Variants in KLHL4 observed in about 807,000 individuals in gnomAD.
KLHL4 encodes the protein kelch-like protein 4.
KLHL4 carries 17 observed loss-of-function variants against 45.8 expected under a neutral mutation model. The ratio of observed to expected loss-of-function variants is 0.37; its 90% confidence interval spans 0.25 to 0.56. The LOEUF (loss-of-function observed/expected upper bound fraction) is 0.56. KLHL4 is among the 20% of genes least tolerant of loss of function. KLHL4 has a pLI of 0.79. For synonymous variants in KLHL4, 224 were observed against 189.9 expected (o/e 1.18, Z -1.47); for missense variants, 544 against 544.9 (o/e 1.00, Z 0.02).
Position 87,611,883 on chromosome X carries a change from C to T in KLHL4, c.423-1994C>T, listed in dbSNP as rs747155723. Among the ~76,000 whole-genome samples, 38 of 110,917 alleles carry T rather than the reference C, an allele frequency of 3.4e-4. No homozygotes were observed. In the South Asian group the frequency reaches 8.4e-3, roughly 25 times the overall value. On this transcript the variant is annotated intron_variant, in intron 1 of 10. Transcript: ENST00000373119. ...GGCAGAAGACAGTGATATTGATGAT[C>T]TTGACCTTGTATAGGCCTAGGTTAA...
chrX:87,667,873 A>C lies in KLHL4; in HGVS notation c.*1339A>C, dbSNP rs968857461. 2 of 662,310 alleles carry C rather than the reference A, an allele frequency of 3.0e-6. No individual in the cohort carries two copies. Among genetic ancestry groups the C allele is most frequent in the Admixed American group, 1.8e-4 (2 of 11,288 alleles). The allele number at this position is 662,310 out of a possible 1,213,427, so 54.6% of individuals were successfully genotyped here. On this transcript the variant is annotated 3_prime_UTR_variant, in exon 11 of 11. Transcript: ENST00000373119. Reference sequence around the variant, plus strand: ...TTAAGTTTTAAGAAAGAAGAACGTAAGTTGTACAAAGATATTTGTACTTTG... The same window carrying C: ...TTAAGTTTTAAGAAAGAAGAACGTACGTTGTACAAAGATATTTGTACTTTG...
At chrX:87,554,159 C>T (rs1483703539) in intron 1 of KLHL4, among the ~76,000 whole-genome samples, 1 of 72,074 alleles carries the variant, frequency 1.4e-5, no homozygotes, top group Non-Finnish European at 2.6e-5. Flanking sequence ...TGTGATGCCT[C>T]CAGCTTTGTT....
intron 1 of KLHL4, among the ~76,000 whole-genome samples, chrX:87,593,375 T>C (rs1248650182): frequency 2.7e-5 from 3 of 111,836 alleles, no homozygotes; most frequent in African/African-American, 9.7e-5. Flanking sequence ...TTTACTTTTT[T>C]CATTATTTTT....
At chrX:87,651,121 C>G (rs1923801079) in intron 9 of KLHL4, among the ~76,000 whole-genome samples, 1 of 111,904 alleles carries the variant, frequency 8.9e-6, no homozygotes, top group Non-Finnish European at 1.9e-5. Flanking sequence ...GTATGAATTA[C>G]AGCGCGTTGG....
chrX:87,581,634 G>C, intron 1 of KLHL4, among the ~76,000 whole-genome samples: 1 of 112,388 alleles, frequency 8.9e-6, no homozygotes, highest in Non-Finnish European at 1.9e-5. Context: ...CCCTATGGAA[G>C]AGTGGCCAGA....
intron 1 of KLHL4, among the ~76,000 whole-genome samples, chrX:87,566,641 C>G (rs1164959058): frequency 1.8e-5 from 2 of 111,265 alleles, no homozygotes; most frequent in African/African-American, 6.5e-5. Flanking sequence ...CACTGTTGTA[C>G]CATCATAAAG....
chrX:87,526,988 G>T (rs1931124280), intron 1 of KLHL4, among the ~76,000 whole-genome samples: 1 of 111,793 alleles, frequency 8.9e-6, no homozygotes, highest in Non-Finnish European at 1.9e-5. Context: ...AATTTAAGAG[G>T]TACTGTTGTA....
intron 1 of KLHL4, among the ~76,000 whole-genome samples, chrX:87,553,593 T>A (rs993103289): frequency 3.7e-5 from 4 of 109,495 alleles, no homozygotes; most frequent in African/African-American, 1.3e-4. Flanking sequence ...TTAACAGTGG[T>A]CTCTACAGCG....
chrX:87,517,940 G>A lies in KLHL4; in HGVS notation c.47G>A (p.Arg16Lys). 1.7e-6 allele frequency: 2 copies of A among 1,211,463 alleles called. No individual in the cohort carries two copies. Among genetic ancestry groups the A allele is most frequent in the Non-Finnish European group, 2.2e-6 (2 of 895,310 alleles). The change falls in exon 1 of 11, where the codon AGG becomes AAG. Residue 16 changes from arginine to lysine, a missense_variant. By Grantham distance (26) the Arg-to-Lys change is conservative (BLOSUM62 2). Transcript: ENST00000373119. ...GAGTTTGATGTGAAACAGATCCTAA[G>A]GCTACGCTGGAGGTGGTTTAGTCAT... The part of the protein sequence containing the change: ...KKEFDVKQIL[R>K]LRWRWFSHPF...
At chrX:87,604,080 A>G (rs777288991) in intron 1 of KLHL4, among the ~76,000 whole-genome samples, 2 of 110,860 alleles carry the variant, frequency 1.8e-5, no homozygotes, top group South Asian at 7.5e-4. Context: ...AATCCTTTTT[A>G]TGGCTAAATA....
chrX:87,639,339 C>A (rs1205100368), intron 9 of KLHL4, among the ~76,000 whole-genome samples: 4 of 111,462 alleles, frequency 3.6e-5, no homozygotes, highest in Non-Finnish European at 7.5e-5. Context: ...TACCCCAGAA[C>A]TAATGGACTT....
chrX:87,582,044 A>T (rs1026010784), intron 1 of KLHL4, among the ~76,000 whole-genome samples: 6 of 112,174 alleles, frequency 5.3e-5, no homozygotes, highest in African/African-American at 1.9e-4. Context: ...AAAGCACACT[A>T]TAAGAATTTC....
chrX:87,535,017 G>T (rs886619470), intron 1 of KLHL4, among the ~76,000 whole-genome samples: 1 of 111,784 alleles, frequency 8.9e-6, no homozygotes, highest in African/African-American at 3.2e-5. Flanking sequence ...ATTTCTATAT[G>T]AAGTATTGTA....
chrX:87,668,683 G>A lies in KLHL4; in HGVS notation c.*2149G>A, dbSNP rs1318146254. 7.4e-6 allele frequency: 1 copy of A among 135,525 alleles called. No individual in the cohort carries two copies. The highest frequency in any genetic ancestry group is 3.3e-5 in the African/African-American group (1 of 30,454). 11.2% of individuals were successfully genotyped at this position (135,525 alleles called of 1,213,427 possible). On this transcript the variant is annotated 3_prime_UTR_variant, in exon 11 of 11. Transcript: ENST00000373119. The stretch of plus-strand genomic sequence containing the variant: ...AATGGATTATTATGAGTGGGGGACT[G>A]GTGACTTTATATGAAAAGGAAGGAA...
At chrX:87,633,320 C>G (rs765093875) in intron 7 of KLHL4, among the ~76,000 whole-genome samples, 14 of 111,800 alleles carry the variant, frequency 1.3e-4, no homozygotes, top group Non-Finnish European at 2.3e-4. Context: ...TCTTTTTATC[C>G]CTATATTAAA....
intron 1 of KLHL4, among the ~76,000 whole-genome samples, chrX:87,557,864 G>T (rs991117372): frequency 9.0e-6 from 1 of 111,607 alleles, no homozygotes; most frequent in Non-Finnish European, 1.9e-5. Flanking sequence ...ACTTTGTGCC[G>T]TAAGGGATCA....
chrX:87,578,531 AC>A (rs1342957272), intron 1 of KLHL4, among the ~76,000 whole-genome samples: 1 of 112,264 alleles, frequency 8.9e-6, no homozygotes, highest in Non-Finnish European at 1.9e-5. Context: ...TTATGAGAAG[AC>A]CATAATTTAG....
intron 1 of KLHL4, among the ~76,000 whole-genome samples, chrX:87,596,290 T>C (rs1921838383): frequency 8.9e-6 from 1 of 112,272 alleles, no homozygotes; most frequent in Non-Finnish European, 1.9e-5. Context: ...TAATAGAACA[T>C]GCAATGTTTC....
chrX:87,555,941 A>G (rs113445932), intron 1 of KLHL4, among the ~76,000 whole-genome samples: 23,186 of 108,249 alleles, frequency 0.21, 2,002 homozygotes, highest in Non-Finnish European at 0.25. Context: ...TTGGTTTCAA[A>G]GAACATCTTT....
Sources: gnomAD v4.1 joint callset for allele counts (sites outside exome capture counted in the v4.1 genomes callset) on GRCh38, gnomAD v4.1.1 for gene constraint, MANE v1.5 for transcripts, NCBI Gene and HGNC (gene_info 2026-07-23, HGNC 2026-07-21) for gene names.